TMEM135: variants seen among roughly 807,000 people sequenced by gnomAD.
The protein encoded by TMEM135 is peroxisomal membrane protein 52.
In TMEM135, 30 loss-of-function variants were observed where a neutral mutation model predicts 60.3. That is an observed-to-expected ratio of 0.50 (90% CI 0.37 to 0.68). TMEM135 has a LOEUF of 0.68. Among genes scored for constraint, TMEM135 ranks in the 30% least tolerant of loss-of-function variants. The probability of loss-of-function intolerance (pLI) is 0.00; values close to 1 mark genes in which losing one functional copy is unlikely to be tolerated. For synonymous variants in TMEM135, 190 were observed against 186.7 expected (o/e 1.02, Z -0.14); for missense variants, 468 against 548.8 (o/e 0.85, Z 1.47).
chr11:87,181,577 T>C (rs1166831003), intron 5 of TMEM135, among the ~76,000 whole-genome samples: 2 of 152,042 alleles, frequency 1.3e-5, no homozygotes, highest in African/African-American at 2.4e-5. Context: ...TTGTCAGAGA[T>C]TGGAAGCACA....
At chr11:87,256,852 T>C (rs1044334209) in intron 6 of TMEM135, among the ~76,000 whole-genome samples, 1 of 152,108 alleles carries the variant, frequency 6.6e-6, no homozygotes, top group African/African-American at 2.4e-5. Context: ...CTTCCTCTTT[T>C]CCTCCCTCCT....
intron 6 of TMEM135, among the ~76,000 whole-genome samples, chr11:87,247,209 G>A (rs1396499360): frequency 6.6e-6 from 1 of 152,136 alleles, no homozygotes; most frequent in African/African-American, 2.4e-5. Context: ...TCGTTCCTCT[G>A]GAAGTTTTGT....
At chr11:87,061,931 A>C (rs1410755084) in intron 1 of TMEM135, among the ~76,000 whole-genome samples, 1 of 152,156 alleles carries the variant, frequency 6.6e-6, no homozygotes, top group Admixed American at 6.5e-5. Flanking sequence ...GCGTTTAATC[A>C]ACTCTGCTTA....
intron 5 of TMEM135, among the ~76,000 whole-genome samples, chr11:87,194,089 C>T (rs151152044): frequency 1.1e-4 from 17 of 152,036 alleles, no homozygotes; most frequent in Admixed American, 5.2e-4. Flanking sequence ...AGAGTTTGTT[C>T]CTGTGTGAAT....
rs144075396 is a variant in TMEM135, at chr11:87,072,689, T to G, written c.362+1074T>G. ...AGCCACTGTGCCTGGCCCAATTATT[T>G]TTAAGACATCTTGTATTTAAAAAAA... On this transcript the variant is annotated intron_variant, in intron 3 of 14. Coordinates refer to ENST00000305494, the MANE Select transcript of TMEM135 (RefSeq NM_022918.4). Among the ~76,000 whole-genome samples the G allele has an allele frequency of 1.4e-3, 217 of 152,208 alleles. 2 individuals are homozygous for G. Among genetic ancestry groups the G allele is most frequent in the African/African-American group, 4.5e-3 (188 of 41,530 alleles).
intron 4 of TMEM135, among the ~76,000 whole-genome samples, chr11:87,091,780 T>G (rs890752625): frequency 1.3e-5 from 2 of 152,106 alleles, no homozygotes; most frequent in Non-Finnish European, 2.9e-5. Context: ...GTTTTTATGA[T>G]GTATGTTCTT....
In TMEM135 at chr11:87,293,779, G is replaced by A. The variant is rs576315378; in HGVS notation, c.510-2003G>A. Among the ~76,000 whole-genome samples the A allele has an allele frequency of 2.0e-5, 3 of 152,242 alleles. No individual in the cohort carries two copies. The South Asian group carries it at 6.2e-4, about 32-fold the overall frequency. ...TGATCATTGATGGGCATTGGGATTGGTTACATGTCTTTGCTATTGTAAATA... is the reference window on the plus strand; with the variant it reads ...TGATCATTGATGGGCATTGGGATTGATTACATGTCTTTGCTATTGTAAATA... On this transcript the variant is annotated intron_variant, in intron 6 of 14. Coordinates refer to ENST00000305494, the MANE Select transcript of TMEM135 (RefSeq NM_022918.4).
At chr11:87,240,467 C>T in intron 6 of TMEM135, among the ~76,000 whole-genome samples, 1 of 151,916 alleles carries the variant, frequency 6.6e-6, no homozygotes, top group Non-Finnish European at 1.5e-5. Context: ...TATTTATGGG[C>T]AAAGCAGTTT....
intron 4 of TMEM135, among the ~76,000 whole-genome samples, chr11:87,101,659 A>T (rs989824861): frequency 2.0e-5 from 3 of 152,196 alleles, no homozygotes; most frequent in Non-Finnish European, 2.9e-5. Context: ...TCTGTATTTG[A>T]TTTTTCAAAC....
intron 6 of TMEM135, among the ~76,000 whole-genome samples, chr11:87,237,436 C>G (rs995673854): frequency 6.6e-6 from 1 of 151,906 alleles, no homozygotes; most frequent in Non-Finnish European, 1.5e-5. Context: ...TCAGTCTTAG[C>G]AGACAGGACC....
intron 6 of TMEM135, among the ~76,000 whole-genome samples, chr11:87,250,087 A>G (rs1289779182): frequency 1.3e-5 from 2 of 152,090 alleles, no homozygotes; most frequent in East Asian, 1.9e-4. Context: ...ATTTATTGGC[A>G]TATAGTTGAT....
intron 3 of TMEM135, among the ~76,000 whole-genome samples, chr11:87,084,560 G>A (rs1857056665): frequency 6.6e-6 from 1 of 152,156 alleles, no homozygotes; most frequent in South Asian, 2.1e-4. Flanking sequence ...GCCTCACAAA[G>A]TGCTGGGATT....
At chr11:87,227,591 T>A (rs583640) in intron 5 of TMEM135, among the ~76,000 whole-genome samples, 1 of 152,164 alleles carries the variant, frequency 6.6e-6, no homozygotes, top group Non-Finnish European at 1.5e-5. Context: ...TGGGAGATTT[T>A]AATTAAACAA....
intron 6 of TMEM135, among the ~76,000 whole-genome samples, chr11:87,268,257 ATT>A (rs1941792795): frequency 2.1e-4 from 7 of 32,596 alleles, no homozygotes. Flanking sequence ...ACACCTAGAT[ATT>A]TATTTATTTA....
chr11:87,081,485 G>A (rs1856991637), intron 3 of TMEM135, among the ~76,000 whole-genome samples: 1 of 151,854 alleles, frequency 6.6e-6, no homozygotes. Context: ...TTTGTTTTTT[G>A]TTTGTTGGTT....
At chr11:87,194,281 C>A (rs1939882101) in intron 5 of TMEM135, among the ~76,000 whole-genome samples, 1 of 152,258 alleles carries the variant, frequency 6.6e-6, no homozygotes, top group East Asian at 1.9e-4. Flanking sequence ...CAACAAAATA[C>A]CTCCACAAGA....
chr11:87,268,692 C>T (rs879298804), intron 6 of TMEM135, among the ~76,000 whole-genome samples: 4 of 151,820 alleles, frequency 2.6e-5, no homozygotes, highest in Admixed American at 1.3e-4. Context: ...TTTGGCTGCA[C>T]AATTAGTAAA....
chr11:87,294,915 A>C (rs1053410060), intron 6 of TMEM135, among the ~76,000 whole-genome samples: 3 of 152,094 alleles, frequency 2.0e-5, no homozygotes, highest in Non-Finnish European at 4.4e-5. Context: ...CTTAACTACC[A>C]TGTAATTTGA....
chr11:87,299,761 G>A (rs545398112), intron 7 of TMEM135, among the ~76,000 whole-genome samples: 149 of 152,222 alleles, frequency 9.8e-4, no homozygotes, highest in African/African-American at 3.6e-3. Context: ...GTTATCTCAG[G>A]AATATATTTT....
Sources: allele counts gnomAD v4.1 joint callset (sites outside exome capture counted in the v4.1 genomes callset), GRCh38; gene constraint gnomAD v4.1.1; transcripts MANE v1.5; gene names NCBI Gene and HGNC (gene_info 2026-07-23, HGNC 2026-07-21).